The following LANCL2 variants were observed in gnomAD, a reference collection of about 807,000 sequenced individuals.
LANCL2 encodes LanC like glutathione S-transferase 2, also known as lanC-like protein 2.
A neutral mutation model predicts 56.9 loss-of-function variants in LANCL2; 33 were observed. That is an observed-to-expected ratio of 0.58 (90% CI 0.44 to 0.78). The LOEUF (loss-of-function observed/expected upper bound fraction) is 0.78. Ranked by LOEUF, LANCL2 falls within the 30% of genes least tolerant of loss-of-function variation. LANCL2 has a pLI of 0.00. For synonymous variants in LANCL2, 233 were observed against 228.2 expected (o/e 1.02, Z -0.19); for missense variants, 562 against 580.2 (o/e 0.97, Z 0.32).
chr7:55,374,760 C>T lies in LANCL2; in HGVS notation c.204+8531C>T, dbSNP rs549803131. Reference sequence around the variant, plus strand: ...ATGCACTTCCCCAACCCATACCCCTCAGCAGAAGGGTTTGTTAAAATCTTT... The same window carrying T: ...ATGCACTTCCCCAACCCATACCCCTTAGCAGAAGGGTTTGTTAAAATCTTT... On this transcript the variant is annotated intron_variant, in intron 1 of 8. Coordinates refer to ENST00000254770, the MANE Select transcript of LANCL2 (RefSeq NM_018697.4). Among the ~76,000 whole-genome samples the T allele has an allele frequency of 1.3e-3, 194 of 152,340 alleles. 2 individuals are homozygous for T. The highest frequency in any genetic ancestry group is 4.6e-3 in the African/African-American group (190 of 41,574).
intron 6 of LANCL2, among the ~76,000 whole-genome samples, chr7:55,418,784 T>C (rs1790574264): frequency 6.6e-6 from 1 of 152,206 alleles, no homozygotes; most frequent in Non-Finnish European, 1.5e-5. Flanking sequence ...TAGATGGCTT[T>C]TATCAGATTG....
chr7:55,379,389 C>A (rs1179714393), intron 1 of LANCL2, among the ~76,000 whole-genome samples: 2 of 152,184 alleles, frequency 1.3e-5, no homozygotes, highest in East Asian at 3.9e-4. Flanking sequence ...AGAAGACTTT[C>A]ATTTAGGTCT....
intron 1 of LANCL2, among the ~76,000 whole-genome samples, chr7:55,385,922 A>C (rs1279350837): frequency 6.6e-6 from 1 of 152,176 alleles, no homozygotes; most frequent in Non-Finnish European, 1.5e-5. Context: ...CTAGGTGCGC[A>C]TTCTCTTTCT....
chr7:55,428,303 A>G, intron 7 of LANCL2, 72 bp from the exon 8 acceptor site: 1 of 1,341,942 alleles, frequency 7.5e-7, no homozygotes, highest in Admixed American at 1.7e-5. Context: ...CTGTGAAGAC[A>G]TTGCATTCTC....
At chr7:55,391,946 A>G (rs1790196320) in intron 2 of LANCL2, 36 bp downstream of exon 2, 3 of 1,134,010 alleles carry the variant, frequency 2.6e-6, no homozygotes, top group Admixed American at 1.9e-5. Context: ...GATACATTTT[A>G]TTCTTAGATT....
At chr7:55,366,358 A>G in intron 1 of LANCL2, 129 bp downstream of exon 1, 2 of 759,254 alleles carry the variant, frequency 2.6e-6, no homozygotes, top group Non-Finnish European at 4.0e-6. Flanking sequence ...AGCGCCTAGC[A>G]CCTGTCTCCG....
rs139197086 is a variant in LANCL2 at position 55,416,321 on chromosome 7, C to T, written c.1008+4232C>T. ...TTATTTTTTGAGACAGGGTCTTGCA[C>T]TGTCACCCAGGCTGGAGTGCAGTGG... is the stretch of plus-strand genomic sequence containing the variant. On this transcript the variant is annotated intron_variant, in intron 6 of 8. Coordinates refer to ENST00000254770, the MANE Select transcript of LANCL2 (RefSeq NM_018697.4). Among the ~76,000 whole-genome samples, 5 of 152,246 alleles carry T rather than the reference C, an allele frequency of 3.3e-5. No individual in the cohort carries two copies. The East Asian group carries it at 9.6e-4, about 29-fold the overall frequency.
chr7:55,427,072 C>T (rs1247908447), intron 7 of LANCL2, among the ~76,000 whole-genome samples: 3 of 152,158 alleles, frequency 2.0e-5, no homozygotes, highest in African/African-American at 7.2e-5. Flanking sequence ...GTTCCTGACT[C>T]CGTAAGCACT....
intron 1 of LANCL2, among the ~76,000 whole-genome samples, chr7:55,378,533 CGT>C (rs71031838): frequency 0.039 from 5,903 of 150,200 alleles, 307 homozygotes; most frequent in African/African-American, 0.12. Flanking sequence ...TATATGTATA[CGT>C]GTGTGTGTGT....
At chr7:55,420,021 G>A (rs760350024) in intron 6 of LANCL2, among the ~76,000 whole-genome samples, 9 of 152,022 alleles carry the variant, frequency 5.9e-5, no homozygotes, top group Non-Finnish European at 8.8e-5. Context: ...GCATGGTGGT[G>A]CCACTGCACT....
chr7:55,380,063 A>G lies in LANCL2; in HGVS notation c.205-11730A>G, dbSNP rs75575094. On this transcript the variant is annotated intron_variant, in intron 1 of 8. Transcript: ENST00000254770. The stretch of plus-strand genomic sequence containing the variant: ...GGTTGAGTAGGAATTATCGTAATTT[A>G]CTTATTACCTTGAATAACATTTAAT... Among the ~76,000 whole-genome samples, 367 of 152,322 alleles carry G rather than the reference A, an allele frequency of 2.4e-3. 3 individuals are homozygous for G. Among genetic ancestry groups the G allele is most frequent in the East Asian group, 0.02 (106 of 5,186 alleles).
At chr7:55,375,111 T>C (rs937996785) in intron 1 of LANCL2, among the ~76,000 whole-genome samples, 2 of 152,220 alleles carry the variant, frequency 1.3e-5, no homozygotes, top group South Asian at 4.1e-4. Context: ...CTTTTTCTTC[T>C]TAGGAGCTAT....
chr7:55,398,440 C>G lies in LANCL2; in HGVS notation c.340C>G (p.Leu114Val). The G allele has an allele frequency of 6.2e-7, 1 of 1,613,868 alleles. No homozygotes were observed. Among genetic ancestry groups the G allele is most frequent in the Non-Finnish European group, 8.5e-7 (1 of 1,179,780 alleles). ...TATTCCAGGCATAGCCCTTTTGTACCTGCAGTTGTACCGGGTCACATGTGA... is the reference window on the plus strand; with the variant it reads ...TATTCCAGGCATAGCCCTTTTGTACGTGCAGTTGTACCGGGTCACATGTGA... ...TGWTGIALLYLQLYRVTCDQT... is the reference protein window; with the variant it reads ...TGWTGIALLYVQLYRVTCDQT... The change falls in exon 3 of 9, where the codon CTG becomes GTG. Residue 114 changes from leucine to valine, a missense_variant. Transcript: ENST00000254770.
At chr7:55,400,373 G>T (rs941174402) in intron 4 of LANCL2, among the ~76,000 whole-genome samples, 3 of 152,194 alleles carry the variant, frequency 2.0e-5, no homozygotes, top group Non-Finnish European at 1.5e-5. Context: ...TCTTTCGTGA[G>T]ATGTCTCAGC....
At chr7:55,376,267 A>C (rs764706996) in intron 1 of LANCL2, among the ~76,000 whole-genome samples, 2 of 152,116 alleles carry the variant, frequency 1.3e-5, no homozygotes, top group African/African-American at 2.4e-5. Context: ...TGGGGGTAAT[A>C]GTTGTAGCTT....
intron 5 of LANCL2, among the ~76,000 whole-genome samples, chr7:55,403,735 C>G (rs781680325): frequency 4.6e-5 from 7 of 151,774 alleles, no homozygotes; most frequent in Non-Finnish European, 1.0e-4. Context: ...CCACCTCCAG[C>G]TAATTTTTGT....
At chr7:55,405,282 C>G (rs1489357746) in intron 5 of LANCL2, among the ~76,000 whole-genome samples, 1 of 152,148 alleles carries the variant, frequency 6.6e-6, no homozygotes, top group East Asian at 1.9e-4. Flanking sequence ...GCCTTTGGTT[C>G]TGTTCAGGCC....
chr7:55,415,779 A>G (rs1002497838), intron 6 of LANCL2, among the ~76,000 whole-genome samples: 7 of 151,430 alleles, frequency 4.6e-5, no homozygotes, highest in African/African-American at 1.7e-4. Flanking sequence ...ATGCCTGGCT[A>G]ATTTTTTGTA....
intron 5 of LANCL2, among the ~76,000 whole-genome samples, chr7:55,403,571 T>C (rs1204563819): frequency 1.6e-5 from 1 of 62,614 alleles, no homozygotes; most frequent in Non-Finnish European, 3.6e-5. Context: ...TGTTTGTTGT[T>C]TTTTTTTTTT....
Sources: gnomAD v4.1 joint callset for allele counts (sites outside exome capture counted in the v4.1 genomes callset) on GRCh38, gnomAD v4.1.1 for gene constraint, MANE v1.5 for transcripts, NCBI Gene and HGNC (gene_info 2026-07-23, HGNC 2026-07-21) for gene names.